PDE3B: variants seen among roughly 807,000 people sequenced by gnomAD.
PDE3B encodes the protein phosphodiesterase 3B.
Under a neutral mutation model 116.8 loss-of-function variants are expected in PDE3B, and 66 were observed. That is an observed-to-expected ratio of 0.56 (90% CI 0.46 to 0.69). The LOEUF (loss-of-function observed/expected upper bound fraction) is 0.69. Among genes scored for constraint, PDE3B ranks in the 30% least tolerant of loss-of-function variants. The probability of loss-of-function intolerance (pLI) is 0.00; values close to 1 mark genes in which losing one functional copy is unlikely to be tolerated. For synonymous variants in PDE3B, 595 were observed against 533.6 expected (o/e 1.12, Z -1.59); for missense variants, 1,384 against 1,368.1 (o/e 1.01, Z -0.18).
the PDE3B span, chr11:14,880,591 A>AAAT: frequency 6.2e-7 from 1 of 1,613,030 alleles, no homozygotes; most frequent in African/African-American, 1.3e-5. Context: ...ATTCGTTATT[A>AAAT]ACTGTTTAAA....
the PDE3B span, among the ~76,000 whole-genome samples, chr11:14,894,791 T>C: frequency 6.6e-6 from 1 of 152,184 alleles, no homozygotes; most frequent in Non-Finnish European, 1.5e-5. Flanking sequence ...GAGAAATCCC[T>C]CCCTTATTCC....
At chr11:14,881,622 A>C in the PDE3B span, among the ~76,000 whole-genome samples, 1 of 152,096 alleles carries the variant, frequency 6.6e-6, no homozygotes, top group Admixed American at 6.6e-5. Context: ...TGGTCTTACA[A>C]CATCCCCTTG....
intron 1 of PDE3B, among the ~76,000 whole-genome samples, chr11:14,653,211 A>G (rs1440004944): frequency 6.6e-6 from 1 of 152,134 alleles, no homozygotes; most frequent in Non-Finnish European, 1.5e-5. Flanking sequence ...TTGATCCCTA[A>G]AATTAGTGCT....
At chr11:14,881,769 G>A in the PDE3B span, among the ~76,000 whole-genome samples, 2 of 152,050 alleles carry the variant, frequency 1.3e-5, no homozygotes, top group African/African-American at 4.8e-5. Context: ...CCATGATTGT[G>A]AGCTTCAGTA....
intron 10 of PDE3B, 30 bp downstream of exon 10, chr11:14,832,863 T>C (rs780471912): frequency 1.0e-6 from 1 of 969,234 alleles, no homozygotes; most frequent in Non-Finnish European, 1.6e-6. Context: ...ATTATTTAAG[T>C]TCAAATAATA....
the PDE3B span, chr11:14,879,589 G>A: frequency 4.8e-6 from 3 of 626,396 alleles, no homozygotes; most frequent in South Asian, 1.9e-5. Flanking sequence ...TTATCTGGGC[G>A]TTCTATTGAA....
chr11:14,711,056 T>C (rs978518784), intron 1 of PDE3B, among the ~76,000 whole-genome samples: 13 of 152,176 alleles, frequency 8.5e-5, no homozygotes, highest in Admixed American at 7.9e-4. Flanking sequence ...TTAAGGAAGA[T>C]CTCTGAGTTT....
At chr11:14,823,203 A>G (rs1188163140) in intron 7 of PDE3B, among the ~76,000 whole-genome samples, 1 of 152,120 alleles carries the variant, frequency 6.6e-6, no homozygotes, top group African/African-American at 2.4e-5. Context: ...CAAGGTGACT[A>G]GGTACTGGAG....
Position 14,869,453 on chromosome 11 carries a change from T to C in PDE3B, c.3140-8T>C. The C allele has an allele frequency of 6.2e-7, 1 of 1,604,166 alleles. No individual in the cohort carries two copies. The highest frequency in any genetic ancestry group is 1.4e-5 in the African/African-American group (1 of 73,812). On this transcript the variant is annotated splice_region_variant and splice_polypyrimidine_tract_variant and intron_variant, in intron 15 of 15. Transcript: ENST00000282096. ...ATGATTAGAATATATTTATTTTAAA[T>C]TTCACAGAACCACCAAGAAGGAAAA...
intron 11 of PDE3B, among the ~76,000 whole-genome samples, chr11:14,841,116 G>T (rs1860208781): frequency 6.6e-6 from 1 of 151,828 alleles, no homozygotes; most frequent in Non-Finnish European, 1.5e-5. Flanking sequence ...CATAAGGTCG[G>T]TGGGCCTCAT....
chr11:14,776,510 G>T (rs989835474), intron 2 of PDE3B: 3 of 152,376 alleles, frequency 2.0e-5, no homozygotes, highest in African/African-American at 7.2e-5. Flanking sequence ...TGGACTAGTG[G>T]GAACCCAACG....
chr11:14,851,919 T>G (rs977888637), intron 12 of PDE3B, among the ~76,000 whole-genome samples: 12 of 152,340 alleles, frequency 7.9e-5, no homozygotes, highest in African/African-American at 2.9e-4. Context: ...CCTCTGAACC[T>G]AAAAATAGTT....
chr11:14,745,740 C>T (rs1369727889), intron 1 of PDE3B, among the ~76,000 whole-genome samples: 1 of 152,042 alleles, frequency 6.6e-6, no homozygotes, highest in Non-Finnish European at 1.5e-5. Context: ...TTCCACCCTC[C>T]CTGCCTGTGC....
At chr11:14,850,240 A>G (rs2133981317) in intron 12 of PDE3B, among the ~76,000 whole-genome samples, 1 of 152,230 alleles carries the variant, frequency 6.6e-6, no homozygotes, top group Admixed American at 6.5e-5. Flanking sequence ...TCGCAAGAAC[A>G]AAAAACCAAA....
At chr11:14,672,204 A>T (rs941547750) in intron 1 of PDE3B, among the ~76,000 whole-genome samples, 13 of 151,844 alleles carry the variant, frequency 8.6e-5, no homozygotes, top group African/African-American at 2.2e-4. Flanking sequence ...TTATTATTTT[A>T]GGTAGCATTA....
intron 5 of PDE3B, 141 bp from the exon 6 acceptor site, chr11:14,818,042 T>G: frequency 1.6e-6 from 1 of 620,334 alleles, no homozygotes; most frequent in Admixed American, 3.0e-5. Flanking sequence ...TGAGGCCCCA[T>G]GCAGGAATTT....
intron 1 of PDE3B, among the ~76,000 whole-genome samples, chr11:14,651,128 A>G (rs1853564100): frequency 6.6e-6 from 1 of 152,092 alleles, no homozygotes; most frequent in Non-Finnish European, 1.5e-5. Context: ...GTTCCTTTTG[A>G]AGGCTGTGAG....
rs549536702 is a variant in PDE3B at position 14,848,336 on chromosome 11, T to G, written c.2520+4310T>G. Among the ~76,000 whole-genome samples, 528 of 142,042 alleles carry G rather than the reference T, an allele frequency of 3.7e-3. 7 individuals carry two copies. The highest frequency in any genetic ancestry group is 0.014 in the African/African-American group (516 of 37,670). The allele number at this position is 142,042 out of a possible 152,430, so 93.2% of individuals were successfully genotyped here. ...ATAAATTAGGTATTGATGGGACGTA[T>G]CTCAAAATAATAAGAGCTATCTATG... On this transcript the variant is annotated intron_variant, in intron 12 of 15. Coordinates refer to ENST00000282096, the MANE Select transcript of PDE3B (RefSeq NM_000922.4).
chr11:14,657,739 G>A (rs552946854), intron 1 of PDE3B, among the ~76,000 whole-genome samples: 2 of 152,076 alleles, frequency 1.3e-5, no homozygotes, highest in Non-Finnish European at 1.5e-5. Context: ...ATTATTCTTA[G>A]GAGTTTAATG....
Sources: gnomAD v4.1 joint callset for allele counts (sites outside exome capture counted in the v4.1 genomes callset) on GRCh38, gnomAD v4.1.1 for gene constraint, MANE v1.5 for transcripts, NCBI Gene and HGNC (gene_info 2026-07-23, HGNC 2026-07-21) for gene names.